The following IL1RAPL2 variants were observed in gnomAD, a reference collection of about 807,000 sequenced individuals.
The protein encoded by IL1RAPL2 is X-linked interleukin-1 receptor accessory protein-like 2.
A neutral mutation model predicts 44.1 loss-of-function variants in IL1RAPL2; 3 were observed. That is an observed-to-expected ratio of 0.07 (90% CI 0.03 to 0.18). The LOEUF (loss-of-function observed/expected upper bound fraction) is 0.18. IL1RAPL2 is among the 10% of genes least tolerant of loss of function. The pLI, the probability that IL1RAPL2 is intolerant of heterozygous loss-of-function variation, is 1.00. For missense variants in IL1RAPL2, 391 were observed against 496.4 expected (o/e 0.79, Z 2.02); for synonymous variants, 181 against 178.8 (o/e 1.01, Z -0.10).
intron 2 of IL1RAPL2, among the ~76,000 whole-genome samples, chrX:105,055,819 A>C (rs1432818236): frequency 9.0e-6 from 1 of 111,397 alleles, no homozygotes; most frequent in Non-Finnish European, 1.9e-5. Flanking sequence ...GAAAAAGCCC[A>C]GTGGGTTTGC....
chrX:105,682,205 A>G (rs2037932184), intron 6 of IL1RAPL2, among the ~76,000 whole-genome samples: 1 of 112,387 alleles, frequency 8.9e-6, no homozygotes, highest in Non-Finnish European at 1.9e-5. Flanking sequence ...AATTATAAAA[A>G]TAGATGAATA....
At chrX:104,619,793 G>A (rs1008388849) in intron 1 of IL1RAPL2, among the ~76,000 whole-genome samples, 1 of 112,047 alleles carries the variant, frequency 8.9e-6, no homozygotes, top group African/African-American at 3.2e-5. Context: ...TAAAAAATAA[G>A]CAAAGATAGA....
At chrX:105,297,461 C>CA (rs2034661964) in intron 5 of IL1RAPL2, among the ~76,000 whole-genome samples, 1 of 111,161 alleles carries the variant, frequency 9.0e-6, no homozygotes, top group South Asian at 3.8e-4. Context: ...TTAATTGACT[C>CA]AGAGTTCTGC....
intron 7 of IL1RAPL2, among the ~76,000 whole-genome samples, chrX:105,739,138 T>C (rs1315678659): frequency 9.0e-6 from 1 of 110,847 alleles, no homozygotes; most frequent in Non-Finnish European, 1.9e-5. Context: ...CTGTCAAAAC[T>C]CTAACCTCTA....
rs190488745 is a variant in IL1RAPL2, at chrX:105,266,738, C to T, written c.544-650C>T. The stretch of plus-strand genomic sequence containing the variant: ...AGTGGATGATTTCTCCAGGCTGTTA[C>T]TATAACAAAGCGTGTCCTCATTTTA... On this transcript the variant is annotated intron_variant, in intron 4 of 10. Coordinates refer to ENST00000372582, the MANE Select transcript of IL1RAPL2 (RefSeq NM_017416.2). Among the ~76,000 whole-genome samples the T allele has an allele frequency of 1.1e-3, 125 of 111,319 alleles. 1 individual carries two copies. The highest frequency in any genetic ancestry group is 3.8e-3 in the African/African-American group (116 of 30,630).
chrX:105,388,487 C>T (rs1806388546), intron 5 of IL1RAPL2, among the ~76,000 whole-genome samples: 1 of 105,476 alleles, frequency 9.5e-6, no homozygotes, highest in Non-Finnish European at 1.9e-5. Flanking sequence ...ATATTTATGC[C>T]TATTAGTGAA....
At chrX:105,500,223 C>T (rs1193376190) in intron 6 of IL1RAPL2, among the ~76,000 whole-genome samples, 2 of 110,350 alleles carry the variant, frequency 1.8e-5, no homozygotes, top group Non-Finnish European at 3.8e-5. Context: ...GAGTTTCAGT[C>T]ATGCTAGATG....
chrX:105,722,190 A>G (rs1485498325), intron 7 of IL1RAPL2, among the ~76,000 whole-genome samples: 1 of 112,023 alleles, frequency 8.9e-6, no homozygotes, highest in African/African-American at 3.2e-5. Context: ...CAACTGTAAC[A>G]CCATGGTAAT....
chrX:105,595,330 G>A (rs1332095893), intron 6 of IL1RAPL2, among the ~76,000 whole-genome samples: 3 of 111,205 alleles, frequency 2.7e-5, no homozygotes, highest in Admixed American at 9.6e-5. Context: ...TAAGAGTCTG[G>A]GTTAAACAAT....
intron 6 of IL1RAPL2, among the ~76,000 whole-genome samples, chrX:105,602,610 C>A (rs2037261679): frequency 9.1e-6 from 1 of 109,849 alleles, no homozygotes; most frequent in Admixed American, 9.7e-5. Context: ...TAGATTCAAC[C>A]AAAACAGGTC....
intron 5 of IL1RAPL2, among the ~76,000 whole-genome samples, chrX:105,415,715 A>C (rs1038749854): frequency 9.0e-6 from 1 of 111,697 alleles, no homozygotes; most frequent in African/African-American, 3.3e-5. Flanking sequence ...TAACCTTATA[A>C]TTAGCATTTT....
At chrX:105,758,280 C>T (rs950883035) in intron 10 of IL1RAPL2, among the ~76,000 whole-genome samples, 1 of 111,746 alleles carries the variant, frequency 8.9e-6, no homozygotes, top group Non-Finnish European at 1.9e-5. Flanking sequence ...ATGACATAAA[C>T]CCATTCATAT....
intron 2 of IL1RAPL2, among the ~76,000 whole-genome samples, chrX:104,781,875 G>T (rs183464598): frequency 9.0e-6 from 1 of 111,559 alleles, no homozygotes; most frequent in Non-Finnish European, 1.9e-5. Flanking sequence ...TACCAAATAA[G>T]ATAGTATTAA....
At chrX:105,458,775 A>G (rs767084697) in intron 5 of IL1RAPL2, among the ~76,000 whole-genome samples, 3 of 112,041 alleles carry the variant, frequency 2.7e-5, no homozygotes, top group Non-Finnish European at 5.6e-5. Context: ...CTCTGTGAAT[A>G]AAACTGTTCA....
intron 6 of IL1RAPL2, among the ~76,000 whole-genome samples, chrX:105,575,251 T>C (rs1400489261): frequency 9.0e-6 from 1 of 110,970 alleles, no homozygotes; most frequent in East Asian, 2.8e-4. Flanking sequence ...TCATGGGGGC[T>C]TGGTGTACAG....
intron 2 of IL1RAPL2, among the ~76,000 whole-genome samples, chrX:104,967,113 A>G (rs2030138896): frequency 8.9e-6 from 1 of 111,767 alleles, no homozygotes. Context: ...AATACATATT[A>G]TTCTCAAGAA....
At chrX:105,533,086 A>T (rs2036650603) in intron 6 of IL1RAPL2, among the ~76,000 whole-genome samples, 1 of 110,969 alleles carries the variant, frequency 9.0e-6, no homozygotes, top group African/African-American at 3.3e-5. Flanking sequence ...GCTACTTGGG[A>T]GGCTGAGGCA....
intron 10 of IL1RAPL2, among the ~76,000 whole-genome samples, chrX:105,764,245 CTAA>C (rs959516993): frequency 1.8e-5 from 2 of 111,327 alleles, no homozygotes; most frequent in Non-Finnish European, 3.8e-5. Context: ...TAAATTCTGT[CTAA>C]TAAGTCTCTA....
chrX:105,347,400 C>G (rs1407479969), intron 5 of IL1RAPL2, among the ~76,000 whole-genome samples: 1 of 111,350 alleles, frequency 9.0e-6, no homozygotes, highest in Non-Finnish European at 1.9e-5. Flanking sequence ...TAGCACCTAC[C>G]CTTGAGGATT....
Sources: gnomAD v4.1 joint callset for allele counts (sites outside exome capture counted in the v4.1 genomes callset) on GRCh38, gnomAD v4.1.1 for gene constraint, MANE v1.5 for transcripts, NCBI Gene and HGNC (gene_info 2026-07-23, HGNC 2026-07-21) for gene names.